Variants in PIK3R6 observed in about 807,000 individuals in gnomAD.
PIK3R6 encodes the protein phosphoinositide 3-kinase regulatory subunit 6.
Under a neutral mutation model 84.9 loss-of-function variants are expected in PIK3R6, and 91 were observed. That is an observed-to-expected ratio of 1.07 (90% CI 0.90 to 1.28). The LOEUF (loss-of-function observed/expected upper bound fraction) is 1.28. Ranked by LOEUF, PIK3R6 falls within the 50% of genes most tolerant of loss-of-function variation. The pLI is 0.00. For synonymous variants in PIK3R6, 416 were observed against 411.4 expected, an observed-to-expected ratio of 1.01 and a Z score of -0.13; for missense variants, 996 against 985.1, an observed-to-expected ratio of 1.01 and a Z score of -0.15.
intron 1 of PIK3R6, among the ~76,000 whole-genome samples, chr17:8,863,033 A>G (rs1328838684): frequency 6.6e-6 from 1 of 152,186 alleles, no homozygotes. Flanking sequence ...TGCTCTCAGA[A>G]AGTTTGCACT....
In PIK3R6 at chr17:8,865,770, G is replaced by C. The variant is rs189735217; in HGVS notation, c.-92+1759C>G. On this transcript the variant is annotated intron_variant, in intron 1 of 19. Transcript: ENST00000619866. ...GATTCCCAAGGAGCCGGGAGGTGAG[G>C]GTCCTGCTGCCCTGGCTGGCCCCCG... Among the ~76,000 whole-genome samples, 283 of 151,924 alleles carry C rather than the reference G, an allele frequency of 1.9e-3. 2 individuals are homozygous for C. Among genetic ancestry groups the C allele is most frequent in the African/African-American group, 6.3e-3 (260 of 41,366 alleles).
At chr17:8,820,329 G>A (rs1400109547) in intron 17 of PIK3R6, among the ~76,000 whole-genome samples, 1 of 151,766 alleles carries the variant, frequency 6.6e-6, no homozygotes, top group Non-Finnish European at 1.5e-5. Flanking sequence ...TGAGAGAAAT[G>A]GAAGGAATAT....
intron 13 of PIK3R6, among the ~76,000 whole-genome samples, chr17:8,826,398 C>T (rs992792977): frequency 2.6e-5 from 4 of 152,058 alleles, no homozygotes; most frequent in Non-Finnish European, 5.9e-5. Flanking sequence ...CAATGATAGA[C>T]AGGACAAAGA....
Position 8,839,724 on chromosome 17 carries a change from ACT to A in PIK3R6, c.14-29_14-28del. On this transcript the variant is annotated intron_variant, in intron 2 of 19. Coordinates refer to ENST00000619866, the MANE Select transcript of PIK3R6 (RefSeq NM_001010855.4). The surrounding 1 kb of genome is among the most constrained non-coding windows in gnomAD (Gnocchi z 4.2). ...TGGGCAGTGGTAGGGGTGGGAGGAA[ACT>A]CAGTCCACTGAACCTCACCCTCGTC... The A allele has an allele frequency of 1.3e-6, 2 of 1,528,624 alleles. No individual in the cohort carries two copies. The highest frequency in any genetic ancestry group is 1.8e-6 in the Non-Finnish European group (2 of 1,127,176). The allele number at this position is 1,528,624 out of a possible 1,614,324, so 94.7% of individuals were successfully genotyped here.
At chr17:8,865,772 T>G (rs1262135230) in intron 1 of PIK3R6, among the ~76,000 whole-genome samples, 8 of 151,154 alleles carry the variant, frequency 5.3e-5, no homozygotes, top group Non-Finnish European at 2.9e-5. Flanking sequence ...GAGGTGAGGG[T>G]CCTGCTGCCC....
intron 18 of PIK3R6, among the ~76,000 whole-genome samples, chr17:8,818,470 G>A (rs537164406): frequency 6.6e-4 from 100 of 152,272 alleles, no homozygotes; most frequent in African/African-American, 2.3e-3. Context: ...TCAGCATGAC[G>A]AAACCCTGTC....
intron 18 of PIK3R6, among the ~76,000 whole-genome samples, chr17:8,815,830 C>T (rs949617077): frequency 1.3e-5 from 2 of 152,168 alleles, no homozygotes; most frequent in Non-Finnish European, 1.5e-5. Context: ...TTGGCTTGTG[C>T]GATGAGTGAG....
intron 2 of PIK3R6, among the ~76,000 whole-genome samples, chr17:8,847,493 G>A (rs1377943294): frequency 2.6e-5 from 4 of 152,162 alleles, no homozygotes. Flanking sequence ...GCTGTGGGAA[G>A]GTGGAGAGTG....
Position 8,827,251 on chromosome 17 carries a change from G to T in PIK3R6, c.1436C>A (p.Thr479Lys), listed in dbSNP as rs562238482. Reference sequence around the variant, plus strand: ...CCACGGGTCTACGCGGCCCAGGAACGTAGCCAGCTCTCCCAGCTCCGGCTG... The same window carrying T: ...CCACGGGTCTACGCGGCCCAGGAACTTAGCCAGCTCTCCCAGCTCCGGCTG... ...SRQPELGELATFLGRVDPWYQ... is the reference protein window; with the variant it reads ...SRQPELGELAKFLGRVDPWYQ... Residue 479 changes from threonine (T) to lysine (K), a missense_variant, in exon 13 of 20, where the codon ACG becomes AAG. By Grantham distance (78) the Thr-to-Lys change is moderately conservative (BLOSUM62 -1). Coordinates refer to ENST00000619866, the MANE Select transcript of PIK3R6 (RefSeq NM_001010855.4). 7 of 1,581,346 alleles carry T rather than the reference G, an allele frequency of 4.4e-6. No homozygotes were observed. Among genetic ancestry groups the T allele is most frequent in the Non-Finnish European group, 5.2e-6 (6 of 1,164,024 alleles).
Position 8,839,704 on chromosome 17 carries a change from A to G in PIK3R6, c.14-7T>C, listed in dbSNP as rs879459141. Reference sequence around the variant, plus strand: ...TGGAGGTCCAGCTCCACATCTGGGCAGTGGTAGGGGTGGGAGGAAACTCAG... The same window carrying G: ...TGGAGGTCCAGCTCCACATCTGGGCGGTGGTAGGGGTGGGAGGAAACTCAG... On this transcript the variant is annotated splice_region_variant and splice_polypyrimidine_tract_variant and intron_variant, in intron 2 of 19. Coordinates refer to ENST00000619866, the MANE Select transcript of PIK3R6 (RefSeq NM_001010855.4). The surrounding 1 kb of genome is among the most constrained non-coding windows in gnomAD (Gnocchi z 4.2). The G allele has an allele frequency of 3.2e-6, 5 of 1,564,700 alleles. No individual in the cohort carries two copies. In the Admixed American group the frequency reaches 7.6e-5, roughly 24 times the overall value.
intron 18 of PIK3R6, among the ~76,000 whole-genome samples, chr17:8,818,486 T>C (rs955458566): frequency 7.2e-5 from 11 of 152,082 alleles, no homozygotes; most frequent in African/African-American, 2.7e-4. Flanking sequence ...CTGTCTCTAC[T>C]AAAAATACAA....
Position 8,866,895 on chromosome 17 carries a change from C to T in PIK3R6, c.-92+634G>A, listed in dbSNP as rs2089425601. On this transcript the variant is annotated intron_variant, in intron 1 of 19. Transcript: ENST00000619866. ...CAGCCCTTCAAGGACAGAGACCAGG[C>T]CTCGGTCAGACTCTGGCACACATAG... Among the ~76,000 whole-genome samples the T allele has an allele frequency of 3.3e-5, 5 of 152,288 alleles. No individual in the cohort carries two copies. In the South Asian group the frequency reaches 8.3e-4, roughly 25 times the overall value.
At chr17:8,814,150 G>A (rs920854620) in intron 18 of PIK3R6, among the ~76,000 whole-genome samples, 1 of 150,544 alleles carries the variant, frequency 6.6e-6, no homozygotes, top group Admixed American at 6.6e-5. Flanking sequence ...GCTTCTGACT[G>A]CCCACTGAGA....
At chr17:8,823,617 C>T in intron 13 of PIK3R6, 120 bp from the exon 14 acceptor site, 2 of 668,456 alleles carry the variant, frequency 3.0e-6, no homozygotes, top group South Asian at 1.8e-5. Context: ...CCCAGTGCGT[C>T]CTTCAACACA....
chr17:8,829,996 C>T (rs1478673478), intron 9 of PIK3R6, among the ~76,000 whole-genome samples: 1 of 152,232 alleles, frequency 6.6e-6, no homozygotes, highest in Non-Finnish European at 1.5e-5. Context: ...TCCAACAATG[C>T]TTAGTAGCTA....
chr17:8,812,366 G>GAA (rs1051446286), intron 18 of PIK3R6, among the ~76,000 whole-genome samples: 7 of 152,172 alleles, frequency 4.6e-5, no homozygotes, highest in Non-Finnish European at 1.0e-4. Flanking sequence ...AATCAACAAA[G>GAA]AAACTCTGGA....
intron 17 of PIK3R6, among the ~76,000 whole-genome samples, chr17:8,819,426 G>A (rs998016511): frequency 2.6e-5 from 4 of 151,688 alleles, no homozygotes; most frequent in African/African-American, 7.3e-5. Context: ...TCAGGTCAGC[G>A]GCCATCACCA....
intron 4 of PIK3R6, 43 bp from the exon 5 acceptor site, chr17:8,837,914 A>T (rs774459496): frequency 1.9e-6 from 3 of 1,557,526 alleles, no homozygotes; most frequent in Middle Eastern, 1.7e-4. Flanking sequence ...GGCTGGGGGA[A>T]TCCCCACTTC....
chr17:8,853,702 A>G (rs561037944), intron 1 of PIK3R6, among the ~76,000 whole-genome samples: 2 of 149,940 alleles, frequency 1.3e-5, no homozygotes, highest in South Asian at 4.3e-4. Context: ...AGTGGCTCAC[A>G]TCTGTAATCC....
Sources: allele counts gnomAD v4.1 joint callset (sites outside exome capture counted in the v4.1 genomes callset), GRCh38; gene constraint gnomAD v4.1.1; non-coding constraint Gnocchi (gnomAD v3.1); transcripts MANE v1.5; gene names NCBI Gene and HGNC (gene_info 2026-07-23, HGNC 2026-07-21).